F5: variants seen among roughly 807,000 people sequenced by gnomAD.
The protein encoded by F5 is coagulation factor V, also known as activated protein c cofactor.
A neutral mutation model predicts 216.4 loss-of-function variants in F5; 138 were observed. The observed-to-expected ratio is 0.64, with a 90% CI of 0.56 to 0.73. The LOEUF is 0.73. Ranked by LOEUF, F5 falls within the 30% of genes least tolerant of loss-of-function variation. F5 has a pLI of 0.00. For missense variants in F5, 2,403 were observed against 2,674.0 expected (o/e 0.90, Z 2.24); for synonymous variants, 916 against 930.7 (o/e 0.98, Z 0.29).
intron 14 of F5, 129 bp from the exon 15 acceptor site, chr1:169,531,151 A>C: frequency 1.4e-6 from 1 of 710,670 alleles, no homozygotes; most frequent in Non-Finnish European, 2.4e-6. Flanking sequence ...AAAATAACTT[A>C]TGTATATTAT....
rs1173998280 is a variant in F5, at chr1:169,530,774, G to T, written c.5208+12C>A. The T allele has an allele frequency of 1.2e-6, 2 of 1,611,512 alleles. No homozygotes were observed. Among genetic ancestry groups the T allele is most frequent in the Admixed American group, 1.7e-5 (1 of 59,994 alleles). The stretch of plus-strand genomic sequence containing the variant: ...TAGGGGAATGAGAAAAACTTTCAAT[G>T]AAAGTACCTACTGGGTTCACAGCTG... On this transcript the variant is annotated intron_variant, in intron 15 of 24. Transcript: ENST00000367797.
Position 169,540,528 on chromosome 1 carries a change from T to C in F5, c.4562A>G (p.Asp1521Gly). 4 of 1,614,002 alleles carry C rather than the reference T, an allele frequency of 2.5e-6. No homozygotes were observed. Among genetic ancestry groups the C allele is most frequent in the Non-Finnish European group, 3.4e-6 (4 of 1,179,954 alleles). ...VIVGLSKDGT[D>G]YIEIIPKEEV... ...TTCCTTTGGAATGATCTCAATGTAATCTGTACCATCTTTACTGAGGCCCAC... is the reference window on the plus strand; with the variant it reads ...TTCCTTTGGAATGATCTCAATGTAACCTGTACCATCTTTACTGAGGCCCAC... Residue 1521 changes from aspartate to glycine, a missense_variant, in exon 13 of 25, where the codon GAT (aspartate) becomes GGT (glycine). Physicochemically the swap from Asp to Gly is moderately conservative, Grantham distance 94. This residue lies in a region of F5 where 293 missense variants were observed against 270.8 expected (regional missense o/e 1.08). Coordinates refer to ENST00000367797, the MANE Select transcript of F5 (RefSeq NM_000130.5).
In F5 at chr1:169,542,670, C is replaced by G; in HGVS notation, c.2420G>C (p.Gly807Ala). Residue 807 changes from glycine to alanine, a missense_variant, in exon 13 of 25, where the codon GGT (glycine) becomes GCT (alanine). By Grantham distance (60) the Gly-to-Ala change is moderately conservative (BLOSUM62 0). Coordinates refer to ENST00000367797, the MANE Select transcript of F5 (RefSeq NM_000130.5). The stretch of plus-strand genomic sequence containing the variant: ...GCCAATGAGGTGTCTCAGTGGGGAA[C>G]CAGCTGTGGTGGCTTGTTGGTGAGA... ...APSHQQATTA[G>A]SPLRHLIGKN... 1 of 1,614,050 alleles carries G rather than the reference C, an allele frequency of 6.2e-7. No homozygotes were observed. The highest frequency in any genetic ancestry group is 8.5e-7 in the Non-Finnish European group (1 of 1,179,964).
chr1:169,557,461 G>A (rs1182125656), intron 5 of F5, among the ~76,000 whole-genome samples: 2 of 152,120 alleles, frequency 1.3e-5, no homozygotes, highest in Admixed American at 6.6e-5. Flanking sequence ...TTAATGACAA[G>A]TCAACGAAAT....
chr1:169,551,652 A>G (rs1243659174), intron 8 of F5, among the ~76,000 whole-genome samples: 1 of 152,272 alleles, frequency 6.6e-6, no homozygotes, highest in Non-Finnish European at 1.5e-5. Context: ...TAAAACACAC[A>G]GGAGTCCTAG....
chr1:169,585,288 A>C (rs1313625389), intron 1 of F5, among the ~76,000 whole-genome samples: 1 of 152,232 alleles, frequency 6.6e-6, no homozygotes, highest in Non-Finnish European at 1.5e-5. Context: ...AATATTATAC[A>C]CTAAAAGATC....
At chr1:169,554,122 A>G (rs1412983305) in intron 7 of F5, among the ~76,000 whole-genome samples, 1 of 151,898 alleles carries the variant, frequency 6.6e-6, no homozygotes, top group African/African-American at 2.4e-5. Context: ...TTTTTATTAC[A>G]GTGAAAACTC....
intron 3 of F5, among the ~76,000 whole-genome samples, chr1:169,568,185 T>A (rs1398058879): frequency 1.3e-5 from 2 of 152,110 alleles, no homozygotes; most frequent in African/African-American, 2.4e-5. Flanking sequence ...GCCTGTCAGT[T>A]ACATATAAGA....
chr1:169,576,051 G>A (rs1404223157), intron 2 of F5, among the ~76,000 whole-genome samples: 1 of 152,094 alleles, frequency 6.6e-6, no homozygotes, highest in Non-Finnish European at 1.5e-5. Flanking sequence ...ATGAGCCCGT[G>A]AGTGTAGGCA....
chr1:169,549,801 C>G lies in F5; in HGVS notation c.1611G>C (p.Gln537His). ...KSRSLDRRGI[Q>H]RAADIEQQAV... is the part of the protein sequence containing the mutation. The stretch of plus-strand genomic sequence containing the variant: ...AAAGGTTACTTCAAGGACAAAATAC[C>G]TGTATTCCTCGCCTGTCCAGGGATC... The change falls in exon 10 of 25, where the codon CAG (glutamine) becomes CAC (histidine). Residue 537 changes from glutamine to histidine, a missense_variant and splice_region_variant. By Grantham distance (24) the Gln-to-His change is conservative. Coordinates refer to ENST00000367797, the MANE Select transcript of F5 (RefSeq NM_000130.5). 1 of 1,610,710 alleles carries G rather than the reference C, an allele frequency of 6.2e-7. No individual in the cohort carries two copies. The highest frequency in any genetic ancestry group is 8.5e-7 in the Non-Finnish European group (1 of 1,177,068).
intron 3 of F5, among the ~76,000 whole-genome samples, chr1:169,561,981 T>C (rs1660495832): frequency 6.6e-6 from 1 of 151,984 alleles, no homozygotes; most frequent in African/African-American, 2.4e-5. Context: ...TTCTTTGTCT[T>C]CTTCCTTCCC....
rs542773186 is a variant in F5, at chr1:169,511,962, G to A, written c.*2351C>T. Among the ~76,000 whole-genome samples the A allele has an allele frequency of 6.6e-6, 1 of 151,898 alleles. No homozygotes were observed. The highest frequency in any genetic ancestry group is 2.4e-5 in the African/African-American group (1 of 41,352). On this transcript the variant is annotated 3_prime_UTR_variant, in exon 25 of 25. Coordinates refer to ENST00000367797, the MANE Select transcript of F5 (RefSeq NM_000130.5). ...GATCAGAGAGAGAAATAAAAAGTGG[G>A]TATCTTTTTTATTTCAAAATAACAG...
At chr1:169,516,423 TATTG>T (rs1421951790) in intron 23 of F5, among the ~76,000 whole-genome samples, 2 of 152,212 alleles carry the variant, frequency 1.3e-5, no homozygotes, top group African/African-American at 4.8e-5. Flanking sequence ...AAGGAAATAA[TATTG>T]ATATGTTTCT....
Position 169,544,510 on chromosome 1 carries a change from T to A in F5, c.1763-2A>T. On this transcript the variant is annotated splice_acceptor_variant, in intron 11 of 24. Transcript: ENST00000367797. LOFTEE classifies it high-confidence loss of function. ...TCTCAGGCACATAGCCATTGATAGC[T>A]GAAAGTGTAAAATCTGTTAAAATTC... 1 of 1,612,954 alleles carries A rather than the reference T, an allele frequency of 6.2e-7. No individual in the cohort carries two copies. Among genetic ancestry groups the A allele is most frequent in the Non-Finnish European group, 8.5e-7 (1 of 1,179,202 alleles).
At position 169,579,414 on chromosome 1, in the gene F5, A is replaced by G. The variant is rs530142937; in HGVS notation, c.250+3017T>C. ...CTCCCTGGGTGAGTTCACACCCTCT[A>G]AATTCTTCATTTGCCATCTTTGTTC... On this transcript the variant is annotated intron_variant, in intron 2 of 24. Coordinates refer to ENST00000367797, the MANE Select transcript of F5 (RefSeq NM_000130.5). Among the ~76,000 whole-genome samples, 4 of 152,116 alleles carry G rather than the reference A, an allele frequency of 2.6e-5. No individual in the cohort carries two copies. The South Asian group carries it at 8.3e-4, about 32-fold the overall frequency.
intron 14 of F5, among the ~76,000 whole-genome samples, chr1:169,534,237 C>T (rs962179132): frequency 2.0e-5 from 3 of 152,190 alleles, no homozygotes; most frequent in Non-Finnish European, 2.9e-5. Context: ...TTGTTGGAGA[C>T]ATGAGTCTTG....
Position 169,559,005 on chromosome 1 carries a change from T to TAAAAA in F5, c.730+143_730+147dup, listed in dbSNP as rs58738850. ...TAATTTGTCTCTTCTATTTCCTGTT[T>TAAAAA]AAAAAAAAAAAGAGAAAATATTTCC... On this transcript the variant is annotated intron_variant, in intron 5 of 24. Coordinates refer to ENST00000367797, the MANE Select transcript of F5 (RefSeq NM_000130.5). 3.7e-3 allele frequency: 2,639 copies of TAAAAA among 710,436 alleles called. 5 individuals are homozygous for TAAAAA. The highest frequency in any genetic ancestry group is 9.9e-3 in the African/African-American group (539 of 54,442). 44.0% of individuals were successfully genotyped at this position (710,436 alleles called of 1,614,324 possible). A position where few individuals can be genotyped will look rare whatever the true frequency, so the allele number is the denominator to read the frequency against.
At chr1:169,572,948 T>G (rs979549321) in intron 2 of F5, among the ~76,000 whole-genome samples, 4 of 126,998 alleles carry the variant, frequency 3.1e-5, no homozygotes, top group Non-Finnish European at 7.1e-5. Context: ...ACTGGAGCAT[T>G]TTTCTTTTTT....
At position 169,541,426 on chromosome 1, in the gene F5, G is replaced by T. The variant is rs747847065; in HGVS notation, c.3664C>A (p.Leu1222Ile). ...TLSPELIQRN[L>I]SPALGQMPIS... ...GGCATCTGACCGAGGGCTGGGGAAA[G>T]GTTTCTCTGAATGAGTTCTGGAGAG... is the stretch of plus-strand genomic sequence containing the variant. The change falls in exon 13 of 25, where the codon CTT becomes ATT. Residue 1222 changes from leucine (L) to isoleucine (I), a missense_variant. Transcript: ENST00000367797. The T allele has an allele frequency of 6.2e-6, 10 of 1,613,870 alleles. No individual in the cohort carries two copies. The highest frequency in any genetic ancestry group is 2.2e-5 in the East Asian group (1 of 44,864).
Sources: allele counts gnomAD v4.1 joint callset (sites outside exome capture counted in the v4.1 genomes callset), GRCh38; gene constraint gnomAD v4.1.1; regional missense constraint gnomAD v4.1.1; transcripts MANE v1.5; gene names NCBI Gene and HGNC (gene_info 2026-07-23, HGNC 2026-07-21).